The following RELCH variants were observed in gnomAD, a reference collection of about 807,000 sequenced individuals.
RELCH encodes the protein RAB11 binding and LisH domain, coiled-coil and HEAT repeat containing.
Under a neutral mutation model 150.3 loss-of-function variants are expected in RELCH, and 41 were observed. The ratio of observed to expected loss-of-function variants is 0.27; its 90% CI spans 0.21 to 0.35. RELCH has a LOEUF of 0.35. Ranked by LOEUF, RELCH falls within the 10% of genes least tolerant of loss-of-function variation. The probability of loss-of-function intolerance (pLI) is 1.00; values close to 1 mark genes in which losing one functional copy is unlikely to be tolerated. For synonymous variants in RELCH, 478 were observed against 531.8 expected, an observed-to-expected ratio of 0.90 and a Z score of 1.39; for missense variants, 1,092 against 1,467.8, an observed-to-expected ratio of 0.74 and a Z score of 4.18.
chr18:62,279,902 G>A (rs758149315), intron 23 of RELCH, 46 bp downstream of exon 23: 2 of 1,250,606 alleles, frequency 1.6e-6, no homozygotes, highest in African/African-American at 1.5e-5. Context: ...CTTTCAAAAT[G>A]TGCCTGTCAA....
intron 22 of RELCH, among the ~76,000 whole-genome samples, chr18:62,279,036 T>C (rs1473218755): frequency 6.6e-6 from 1 of 152,190 alleles, no homozygotes; most frequent in Admixed American, 6.5e-5. Flanking sequence ...AGGTATGTTA[T>C]TTGCAAATTC....
chr18:62,305,622 C>T lies in RELCH; in HGVS notation c.*88C>T. ...TTGAAGTACTTGCCTTTTTTGTTTC[C>T]TCAGTTTTATGTTCTTGCATTATAA... On this transcript the variant is annotated 3_prime_UTR_variant, in exon 29 of 29. Transcript: ENST00000644646. The surrounding 1 kb of genome is among the most constrained non-coding windows in gnomAD (Gnocchi z 4.0). The T allele has an allele frequency of 7.2e-7, 1 of 1,388,234 alleles. No homozygotes were observed. Among genetic ancestry groups the T allele is most frequent in the South Asian group, 1.4e-5 (1 of 69,320 alleles). The allele number at this position is 1,388,234 out of a possible 1,614,324, so 86.0% of individuals were successfully genotyped here.
chr18:62,194,311 C>A (rs1477867638), intron 1 of RELCH, among the ~76,000 whole-genome samples: 1 of 152,138 alleles, frequency 6.6e-6, no homozygotes, highest in African/African-American at 2.4e-5. Context: ...ATCCAGTTGA[C>A]TGTTTTTTTC....
At chr18:62,284,066 A>ATC (rs2044664428) in intron 25 of RELCH, among the ~76,000 whole-genome samples, 3 of 152,192 alleles carry the variant, frequency 2.0e-5, no homozygotes, top group Admixed American at 2.0e-4. Context: ...GGAAGAATCC[A>ATC]TCTGGATTCT....
chr18:62,286,564 G>A (rs574613107), intron 25 of RELCH, among the ~76,000 whole-genome samples: 14 of 152,080 alleles, frequency 9.2e-5, no homozygotes, highest in African/African-American at 3.4e-4. Flanking sequence ...TATGGGTGGC[G>A]TTTTGTGATC....
intron 23 of RELCH, 162 bp from the exon 24 acceptor site, chr18:62,280,484 T>C (rs778980874): frequency 6.5e-7 from 1 of 1,548,150 alleles, no homozygotes; most frequent in Non-Finnish European, 8.9e-7. Context: ...CCTGTCTGTC[T>C]TTTTGAGCAT....
chr18:62,207,912 T>G (rs1568313633), intron 1 of RELCH, among the ~76,000 whole-genome samples: 1 of 152,230 alleles, frequency 6.6e-6, no homozygotes, highest in East Asian at 1.9e-4. Context: ...TCATACAGTA[T>G]ATAGCCATGT....
At chr18:62,276,028 A>G (rs1256074103) in intron 22 of RELCH, among the ~76,000 whole-genome samples, 3 of 152,154 alleles carry the variant, frequency 2.0e-5, no homozygotes, top group African/African-American at 4.8e-5. Context: ...CTAAATTGCT[A>G]CCTACCCAAG....
chr18:62,197,690 A>G (rs9961067), intron 1 of RELCH, among the ~76,000 whole-genome samples: 14,930 of 152,254 alleles, frequency 0.098, 863 homozygotes, highest in East Asian at 0.19. Flanking sequence ...GAATATAGCA[A>G]TGGTATTTAC....
At chr18:62,219,975 A>C (rs1341325818) in intron 2 of RELCH, among the ~76,000 whole-genome samples, 1 of 152,082 alleles carries the variant, frequency 6.6e-6, no homozygotes, top group Non-Finnish European at 1.5e-5. Context: ...AGAATGATTT[A>C]ACTACTGTAA....
chr18:62,227,813 T>G, intron 7 of RELCH, 124 bp downstream of exon 7: 1 of 495,784 alleles, frequency 2.0e-6, no homozygotes, highest in Non-Finnish European at 3.5e-6. Flanking sequence ...TTAATACTTC[T>G]GAAAGAAAGT....
chr18:62,292,165 G>T (rs1200439636), intron 27 of RELCH, among the ~76,000 whole-genome samples: 1 of 151,990 alleles, frequency 6.6e-6, no homozygotes, highest in East Asian at 1.9e-4. Flanking sequence ...TATTCTTCCT[G>T]ATCATCCACA....
chr18:62,196,025 C>T (rs2039016902), intron 1 of RELCH, among the ~76,000 whole-genome samples: 1 of 151,896 alleles, frequency 6.6e-6, no homozygotes, highest in Non-Finnish European at 1.5e-5. Context: ...TCCAACGTAT[C>T]GTTTCTCAGA....
intron 1 of RELCH, among the ~76,000 whole-genome samples, chr18:62,202,096 G>C (rs962833): frequency 0.029 from 4,386 of 152,246 alleles, 161 homozygotes; most frequent in East Asian, 0.18. Context: ...GAAAGTACCT[G>C]ATTATTTGTT....
intron 22 of RELCH, among the ~76,000 whole-genome samples, chr18:62,275,956 A>G (rs187582040): frequency 1.3e-5 from 2 of 152,288 alleles, no homozygotes; most frequent in Admixed American, 1.3e-4. Flanking sequence ...ATAACATCCC[A>G]ATACATTAAC....
intron 26 of RELCH, among the ~76,000 whole-genome samples, chr18:62,288,672 T>G (rs2044949133): frequency 6.6e-6 from 1 of 152,150 alleles, no homozygotes; most frequent in Non-Finnish European, 1.5e-5. Flanking sequence ...TTTTAATAAT[T>G]TAATAATTTT....
chr18:62,254,622 A>T lies in RELCH; in HGVS notation c.1825-785A>T, dbSNP rs550446303. The T allele has an allele frequency of 1.1e-4, 16 of 152,180 alleles. No individual in the cohort carries two copies. The East Asian group carries it at 2.7e-3, about 26-fold the overall frequency. 9.4% of individuals were successfully genotyped at this position (152,180 alleles called of 1,614,324 possible). A position where few individuals can be genotyped will look rare whatever the true frequency, so the allele number is the denominator to read the frequency against. On this transcript the variant is annotated intron_variant, in intron 12 of 28. Coordinates refer to ENST00000644646, the MANE Select transcript of RELCH (RefSeq NM_001346231.2). ...ACCTGAGTAAACTTGGATATCGGGG[A>T]TCTATCTAGCCGCCTACCTCCAGTT...
At chr18:62,278,539 T>C (rs1389952466) in intron 22 of RELCH, among the ~76,000 whole-genome samples, 1 of 152,170 alleles carries the variant, frequency 6.6e-6, no homozygotes. Context: ...ATAGGAGGAA[T>C]ACCTTCACAT....
At chr18:62,239,089 G>A (rs1674986035) in intron 10 of RELCH, among the ~76,000 whole-genome samples, 1 of 152,192 alleles carries the variant, frequency 6.6e-6, no homozygotes, top group South Asian at 2.1e-4. Flanking sequence ...GTGTAATAAA[G>A]TAGATAGGAA....
Sources: gnomAD v4.1 joint callset for allele counts (sites outside exome capture counted in the v4.1 genomes callset) on GRCh38, gnomAD v4.1.1 for gene constraint, Gnocchi (gnomAD v3.1) non-coding constraint, MANE v1.5 for transcripts, NCBI Gene and HGNC (gene_info 2026-07-23, HGNC 2026-07-21) for gene names.